CRTC1: variants seen among roughly 807,000 people sequenced by gnomAD.
CRTC1 encodes CREB-regulated transcription coactivator 1.
A neutral mutation model predicts 66.1 loss-of-function variants in CRTC1; 18 were observed. The ratio of observed to expected loss-of-function variants is 0.27; its 90% CI spans 0.19 to 0.40. The LOEUF (loss-of-function observed/expected upper bound fraction) is 0.40, where lower values mean the gene tolerates loss of function less well. Among genes scored for constraint, CRTC1 ranks in the 10% least tolerant of loss-of-function variants. CRTC1 has a pLI of 1.00. For missense variants in CRTC1, 669 were observed against 887.9 expected (o/e 0.75, Z 3.13); for synonymous variants, 416 against 398.8 (o/e 1.04, Z -0.51).
chr19:18,720,822 T>G (rs2053610064), intron 1 of CRTC1, among the ~76,000 whole-genome samples: 1 of 151,846 alleles, frequency 6.6e-6, no homozygotes, highest in African/African-American at 2.4e-5. Flanking sequence ...ATTCCCTCTC[T>G]TTCTCTCTGC....
intron 1 of CRTC1, among the ~76,000 whole-genome samples, chr19:18,691,470 A>G (rs1443708991): frequency 6.8e-6 from 1 of 147,890 alleles, no homozygotes; most frequent in Non-Finnish European, 1.5e-5. Context: ...GTGGTGAGCC[A>G]TGATTGTACC....
rs372353858 is a variant in CRTC1, at chr19:18,760,222, G to A, written c.880G>A (p.Gly294Ser). Residue 294 changes from glycine to serine, a missense_variant, in exon 8 of 14, where the codon GGC becomes AGC. By Grantham distance (56) the Gly-to-Ser change is moderately conservative. Coordinates refer to ENST00000321949, the MANE Select transcript of CRTC1 (RefSeq NM_015321.3). The surrounding 1 kb of genome is among the most constrained non-coding windows in gnomAD (Gnocchi z 6.2). ...NLTHLGIGGA[G>S]QGMSTPGSSP... ...GACGCACCTGGGCATCGGTGGCGCC[G>A]GCCAGGGTAAGGCAGGGACACTCCG... The A allele has an allele frequency of 5.1e-5, 82 of 1,598,128 alleles. No individual in the cohort carries two copies. The highest frequency in any genetic ancestry group is 4.3e-4 in the South Asian group (39 of 89,998).
chr19:18,710,296 G>A (rs577863462), intron 1 of CRTC1, among the ~76,000 whole-genome samples: 1 of 152,354 alleles, frequency 6.6e-6, no homozygotes, highest in African/African-American at 2.4e-5. Flanking sequence ...GGGCCAGCAA[G>A]GACTTGTGGC....
intron 1 of CRTC1, among the ~76,000 whole-genome samples, chr19:18,717,911 A>G (rs1386570867): frequency 1.3e-5 from 2 of 152,056 alleles, no homozygotes; most frequent in Admixed American, 1.3e-4. Flanking sequence ...ACCTGGCAGT[A>G]GGGACAGGAG....
chr19:18,721,847 A>T (rs2053637004), intron 1 of CRTC1, among the ~76,000 whole-genome samples: 1 of 152,196 alleles, frequency 6.6e-6, no homozygotes, highest in Non-Finnish European at 1.5e-5. Flanking sequence ...TGGCGGGGTT[A>T]GGACATGGCT....
intron 2 of CRTC1, among the ~76,000 whole-genome samples, chr19:18,744,406 G>A (rs1043287578): frequency 1.3e-5 from 2 of 152,184 alleles, no homozygotes; most frequent in African/African-American, 2.4e-5. Context: ...CCATAGCCGC[G>A]CATCCCCATC....
chr19:18,759,435 A>T, intron 6 of CRTC1, 116 bp from the exon 7 acceptor site: 1 of 1,083,494 alleles, frequency 9.2e-7, no homozygotes, highest in South Asian at 1.4e-5. Context: ...CTTGGTTCTC[A>T]TGATGCATCT....
At chr19:18,732,828 C>T (rs1480164234) in intron 1 of CRTC1, among the ~76,000 whole-genome samples, 1 of 152,096 alleles carries the variant, frequency 6.6e-6, no homozygotes. Flanking sequence ...TGGTGGCTCA[C>T]ACCTGTAATT....
At chr19:18,687,167 T>A (rs2052704966) in intron 1 of CRTC1, among the ~76,000 whole-genome samples, 1 of 151,870 alleles carries the variant, frequency 6.6e-6, no homozygotes, top group Non-Finnish European at 1.5e-5. Flanking sequence ...AGGCATCTGC[T>A]ACCATGCCTG....
At chr19:18,685,940 A>T (rs2052674992) in intron 1 of CRTC1, among the ~76,000 whole-genome samples, 1 of 152,196 alleles carries the variant, frequency 6.6e-6, no homozygotes, top group African/African-American at 2.4e-5. Context: ...CTTTATTGAG[A>T]TATGATTCAC....
At chr19:18,709,695 G>A (rs555106164) in intron 1 of CRTC1, among the ~76,000 whole-genome samples, 2 of 152,290 alleles carry the variant, frequency 1.3e-5, no homozygotes, top group East Asian at 1.9e-4. Flanking sequence ...GATGGGTCCC[G>A]TCTGCCCTGG....
chr19:18,711,579 C>G (rs1183460754), intron 1 of CRTC1, among the ~76,000 whole-genome samples: 1 of 152,224 alleles, frequency 6.6e-6, no homozygotes, highest in Non-Finnish European at 1.5e-5. Context: ...ACAGCTGCGG[C>G]CGGCCACGCT....
chr19:18,694,294 A>G, intron 1 of CRTC1, among the ~76,000 whole-genome samples: 1 of 80,088 alleles, frequency 1.2e-5, no homozygotes, highest in Non-Finnish European at 2.2e-5. Context: ...GAGAGACTCC[A>G]TCTCAAAAAA....
At chr19:18,696,883 G>T (rs2053001923) in intron 1 of CRTC1, among the ~76,000 whole-genome samples, 1 of 139,288 alleles carries the variant, frequency 7.2e-6, no homozygotes, top group Admixed American at 7.0e-5. Flanking sequence ...GAGGGCGGGT[G>T]GGGGAGTCCC....
chr19:18,775,969 C>T, intron 13 of CRTC1, 148 bp downstream of exon 13: 2 of 844,602 alleles, frequency 2.4e-6, no homozygotes, highest in South Asian at 1.9e-5. Context: ...GGCCACACCC[C>T]CTCTCCCCTG....
At chr19:18,718,878 G>A (rs1185930568) in intron 1 of CRTC1, among the ~76,000 whole-genome samples, 1 of 152,106 alleles carries the variant, frequency 6.6e-6, no homozygotes, top group Non-Finnish European at 1.5e-5. Flanking sequence ...TACAGATTGG[G>A]GGTTTATTTT....
chr19:18,717,966 G>A (rs900788269), intron 1 of CRTC1, among the ~76,000 whole-genome samples: 38 of 152,142 alleles, frequency 2.5e-4, no homozygotes, highest in African/African-American at 7.2e-4. Flanking sequence ...GCCCCGTCAC[G>A]GGGCTGGCTT....
At chr19:18,714,328 G>A (rs1441137997) in intron 1 of CRTC1, among the ~76,000 whole-genome samples, 1 of 150,996 alleles carries the variant, frequency 6.6e-6, no homozygotes, top group Non-Finnish European at 1.5e-5. Context: ...TTTTTTTTGA[G>A]ACGGAGTCTT....
intron 4 of CRTC1, among the ~76,000 whole-genome samples, chr19:18,748,322 C>T (rs1381339734): frequency 6.7e-6 from 1 of 149,464 alleles, no homozygotes; most frequent in Middle Eastern, 3.2e-3. Context: ...GATCACAGGT[C>T]ACTGCAGCCT....
Sources: allele counts gnomAD v4.1 joint callset (sites outside exome capture counted in the v4.1 genomes callset), GRCh38; gene constraint gnomAD v4.1.1; non-coding constraint Gnocchi (gnomAD v3.1); transcripts MANE v1.5; gene names NCBI Gene and HGNC (gene_info 2026-07-23, HGNC 2026-07-21).